Variants in ARRDC2 observed in about 807,000 individuals in gnomAD.
ARRDC2 encodes the protein arrestin domain containing 2, also known as arrestin domain-containing protein 2.
ARRDC2 carries 39 observed loss-of-function variants against 38.9 expected under a neutral mutation model. The observed-to-expected ratio is 1.00, with a 90% CI of 0.78 to 1.31. ARRDC2 has a LOEUF of 1.31. ARRDC2 is among the 50% of genes most tolerant of loss of function. The pLI is 0.00. For synonymous variants in ARRDC2, 300 were observed against 261.9 expected (o/e 1.15, Z -1.41); for missense variants, 553 against 588.4 (o/e 0.94, Z 0.62).
chr19:18,007,950 C>T, upstream of ARRDC2: 1 of 387,658 alleles, frequency 2.6e-6, no homozygotes, highest in Non-Finnish European at 4.6e-6. Flanking sequence ...CGCGAGAGAC[C>T]AGCTCTGGCA....
chr19:18,001,904 C>A (rs1177841076), intron 1 of ARRDC2, among the ~76,000 whole-genome samples: 2 of 152,178 alleles, frequency 1.3e-5, no homozygotes, highest in Non-Finnish European at 2.9e-5. Flanking sequence ...CACCACTGCA[C>A]TCCAGCCTGG....
At position 18,011,954 on chromosome 19, in the gene ARRDC2, T is replaced by TATATATATA. The variant is rs1476473694; in HGVS notation, c.1171-959_1171-958insATATATATA. Among the ~76,000 whole-genome samples, 3 of 84,290 alleles carry TATATATATA rather than the reference T, an allele frequency of 3.6e-5. No homozygotes were observed. In the South Asian group the frequency reaches 1.1e-3, roughly 30 times the overall value. 55.3% of individuals were successfully genotyped at this position (84,290 alleles called of 152,430 possible). Reference sequence around the variant, plus strand: ...TATGTGTATATATATATATATATATTTTTTTTTTTTTTTTTTTTTTGAGAT... The same window carrying TATATATATA: ...TATGTGTATATATATATATATATATTATATATATATTTTTTTTTTTTTTTTTTTTGAGAT... On this transcript the variant is annotated intron_variant, in intron 7 of 7. Coordinates refer to ENST00000222250, the MANE Select transcript of ARRDC2 (RefSeq NM_015683.2).
rs1488480637 is a variant in ARRDC2 at position 18,012,926 on chromosome 19, C to G, written c.1184C>G (p.Pro395Arg). The G allele has an allele frequency of 2.5e-6, 4 of 1,613,864 alleles. No individual in the cohort carries two copies. The highest frequency in any genetic ancestry group is 3.4e-6 in the Non-Finnish European group (4 of 1,179,974). Residue 395 changes from proline (P) to arginine (R), a missense_variant, in exon 8 of 8, where the codon CCA (proline) becomes CGA (arginine). This residue lies in a region of ARRDC2 where 100 missense variants were observed against 107.6 expected (regional missense o/e 0.93). Coordinates refer to ENST00000222250, the MANE Select transcript of ARRDC2 (RefSeq NM_015683.2). ...CATTTCTCTTAGGAGGATCCAAACC[C>G]ACTCTTGGGGGACATGAGGCCGCGC... ...PPLYSEEDPN[P>R]LLGDMRPRCM...
At chr19:18,002,229 T>A (rs893454298) in intron 1 of ARRDC2, among the ~76,000 whole-genome samples, 4 of 152,126 alleles carry the variant, frequency 2.6e-5, no homozygotes, top group Non-Finnish European at 5.9e-5. Flanking sequence ...AGTTCTTCCC[T>A]GGGGTAGGGT....
rs1479264706 is a variant in ARRDC2 at position 18,008,305 on chromosome 19, G to A, written c.-6G>A. 1.3e-6 allele frequency: 2 copies of A among 1,594,436 alleles called. No homozygotes were observed. Among genetic ancestry groups the A allele is most frequent in the Non-Finnish European group, 1.7e-6 (2 of 1,178,172 alleles). ...CCGCCTGTCGTGGGTTCGCACCCCG[G>A]ACGCGATGCTATTCGACAAGGTGAA... On this transcript the variant is annotated 5_prime_UTR_variant, in exon 1 of 8. Transcript: ENST00000222250.
At chr19:18,002,539 C>T (rs1352641029) in intron 1 of ARRDC2, among the ~76,000 whole-genome samples, 1 of 152,222 alleles carries the variant, frequency 6.6e-6, no homozygotes, top group African/African-American at 2.4e-5. Context: ...TCACTATACC[C>T]GTCTGTAAAA....
intron 4 of ARRDC2, 25 bp from the exon 5 acceptor site, chr19:18,009,756 CTG>C (rs765441318): frequency 6.2e-6 from 10 of 1,612,824 alleles, no homozygotes; most frequent in Non-Finnish European, 6.8e-6. Context: ...GGAGGGGAAA[CTG>C]AGGCCCCACT....
chr19:18,010,437 G>A (rs1006823731), intron 6 of ARRDC2, 79 bp downstream of exon 6: 13 of 1,561,982 alleles, frequency 8.3e-6, no homozygotes, highest in East Asian at 6.8e-5. Context: ...CTCTCACCAC[G>A]AGTCCCCCGG....
rs2033461733 is a variant in ARRDC2 at position 18,013,936 on chromosome 19, TGGA to T, written c.*975_*977del. 1 of 152,086 alleles carries T rather than the reference TGGA, an allele frequency of 6.6e-6. No individual in the cohort carries two copies. The highest frequency in any genetic ancestry group is 2.1e-4 in the South Asian group (1 of 4,822). 9.4% of individuals were successfully genotyped at this position (152,086 alleles called of 1,614,324 possible). A position where few individuals can be genotyped will look rare whatever the true frequency, so the allele number is the denominator to read the frequency against. On this transcript the variant is annotated 3_prime_UTR_variant, in exon 8 of 8. Coordinates refer to ENST00000222250, the MANE Select transcript of ARRDC2 (RefSeq NM_015683.2). ...GTGCTTCCGGAGGCTCCCTGTGTCC[TGGA>T]GGAGAAAAGCATTAGAGGGGGCAGC...
chr19:18,012,644 A>G (rs2033436506), intron 7 of ARRDC2, among the ~76,000 whole-genome samples: 1 of 152,156 alleles, frequency 6.6e-6, no homozygotes, highest in Non-Finnish European at 1.5e-5. Flanking sequence ...GATTATCCGC[A>G]AATATTATGC....
Position 18,008,709 on chromosome 19 carries a change from A to G in ARRDC2, c.275-2A>G, listed in dbSNP as rs1263922818. Reference sequence around the variant, plus strand: ...GTCGCCTCCTTTTTCTCCTACCTGCAGATACCGGGGAGACCACGACGCTGC... The same window carrying G: ...GTCGCCTCCTTTTTCTCCTACCTGCGGATACCGGGGAGACCACGACGCTGC... On this transcript the variant is annotated splice_acceptor_variant, in intron 1 of 7. Transcript: ENST00000222250. LOFTEE classifies it high-confidence loss of function. 1 of 1,613,104 alleles carries G rather than the reference A, an allele frequency of 6.2e-7. No homozygotes were observed. Among genetic ancestry groups the G allele is most frequent in the Non-Finnish European group, 8.5e-7 (1 of 1,179,950 alleles).
At chr19:18,010,161 G>A in intron 5 of ARRDC2, 35 bp from the exon 6 acceptor site, 1 of 1,607,440 alleles carries the variant, frequency 6.2e-7, no homozygotes, top group African/African-American at 1.3e-5. Flanking sequence ...TGGGGAGGCT[G>A]CCTGGGCACC....
In ARRDC2 at chr19:18,010,351, G is replaced by T. The variant is rs201733094; in HGVS notation, c.1005G>T (p.Arg335=). 6.8e-5 allele frequency: 110 copies of T among 1,609,044 alleles called. No homozygotes were observed. The Middle Eastern group carries it at 2.6e-3, about 39-fold the overall frequency. ...LDWRLGALPE[R]PEAPPEYSEV... The stretch of plus-strand genomic sequence containing the variant: ...GGAGGCTGGGGGCCTTGCCGGAGCG[G>T]CCTGAGGGTAAGCTCCCACCCTGCT... Residue 335 remains arginine, a synonymous_variant, in exon 6 of 8, where the codon CGG becomes CGT. Coordinates refer to ENST00000222250, the MANE Select transcript of ARRDC2 (RefSeq NM_015683.2).
In ARRDC2 at chr19:18,012,938, A is replaced by G; in HGVS notation, c.1196A>G (p.Asp399Gly). ...GAGGATCCAAACCCACTCTTGGGGG[A>G]CATGAGGCCGCGCTGCATGACTTGC... Reference protein sequence around the residue: ...SEEDPNPLLGDMRPRCMTC With the variant: ...SEEDPNPLLGGMRPRCMTC Residue 399 changes from aspartate (D) to glycine (G), a missense_variant, in exon 8 of 8, where the codon GAC becomes GGC. Asp to Gly is a moderately conservative substitution (Grantham distance 94). Coordinates refer to ENST00000222250, the MANE Select transcript of ARRDC2 (RefSeq NM_015683.2). 6 of 1,613,652 alleles carry G rather than the reference A, an allele frequency of 3.7e-6. No homozygotes were observed. Among genetic ancestry groups the G allele is most frequent in the Non-Finnish European group, 5.1e-6 (6 of 1,179,916 alleles).
At chr19:18,002,919 A>G (rs1048900834) in intron 1 of ARRDC2, among the ~76,000 whole-genome samples, 12 of 152,140 alleles carry the variant, frequency 7.9e-5, no homozygotes, top group African/African-American at 2.9e-4. Context: ...CCTGGCCAAC[A>G]TGGTGAAACT....
exon 1 of ARRDC2, chr19:18,001,457 C>T (rs760734166): frequency 1.6e-6 from 2 of 1,269,334 alleles, no homozygotes; most frequent in South Asian, 5.2e-5. Flanking sequence ...GAGGTGAAGG[C>T]GCGCGGCGGG....
rs778240827 is a variant in ARRDC2, at chr19:18,012,971, C to T, written c.*5C>T. On this transcript the variant is annotated 3_prime_UTR_variant, in exon 8 of 8. Coordinates refer to ENST00000222250, the MANE Select transcript of ARRDC2 (RefSeq NM_015683.2). ...CCGCGCTGCATGACTTGCTGAACGG[C>T]ACAGGGACCCCTCGAGGAACAAGGT... The T allele has an allele frequency of 5.6e-6, 9 of 1,613,542 alleles. No homozygotes were observed. The African/African-American group carries it at 6.7e-5, about 12-fold the overall frequency.
Position 18,008,645 on chromosome 19 carries a change from G to A in ARRDC2, c.274+61G>A, listed in dbSNP as rs113762904. On this transcript the variant is annotated intron_variant, in intron 1 of 7. Transcript: ENST00000222250. The stretch of plus-strand genomic sequence containing the variant: ...TGTGCCTCCCACCACCTGGACGGCG[G>A]TACCTCCGTCAGCCCTGGGACCCCA... 2.3e-5 allele frequency: 37 copies of A among 1,603,318 alleles called. No individual in the cohort carries two copies. In the East Asian group the frequency reaches 7.6e-4, roughly 33 times the overall value.
chr19:18,008,116 A>AGGGGGCC, upstream of ARRDC2: 2 of 522,498 alleles, frequency 3.8e-6, no homozygotes, highest in Non-Finnish European at 5.8e-6. Flanking sequence ...AGAGACGGTG[A>AGGGGGCC]CCCCACCCCC....
Sources: gnomAD v4.1 joint callset for allele counts (sites outside exome capture counted in the v4.1 genomes callset) on GRCh38, gnomAD v4.1.1 for gene constraint, gnomAD v4.1.1 regional missense constraint, MANE v1.5 for transcripts, NCBI Gene and HGNC (gene_info 2026-07-23, HGNC 2026-07-21) for gene names.